NEDD4L: variants seen among roughly 807,000 people sequenced by gnomAD.
NEDD4L encodes the protein NEDD4 like E3 ubiquitin protein ligase, also known as E3 ubiquitin-protein ligase NEDD4-like.
Under a neutral mutation model 148.9 loss-of-function variants are expected in NEDD4L, and 54 were observed. The ratio of observed to expected loss-of-function variants is 0.36; its 90% CI spans 0.29 to 0.45. The LOEUF is 0.45. Ranked by LOEUF, NEDD4L falls within the 20% of genes least tolerant of loss-of-function variation. NEDD4L has a pLI of 1.00. For synonymous variants in NEDD4L, 433 were observed against 440.7 expected, an observed-to-expected ratio of 0.98 and a Z score of 0.22; for missense variants, 856 against 1,233.8, an observed-to-expected ratio of 0.69 and a Z score of 4.59.
chr18:58,387,626 A>C (rs958226552), intron 27 of NEDD4L, 128 bp downstream of exon 27: 1 of 1,085,936 alleles, frequency 9.2e-7, no homozygotes, highest in Non-Finnish European at 1.3e-6. Flanking sequence ...GAATTATATT[A>C]CATGTCTCTT....
At chr18:58,143,932 A>G (rs2033827847) in intron 1 of NEDD4L, among the ~76,000 whole-genome samples, 1 of 152,182 alleles carries the variant, frequency 6.6e-6, no homozygotes, top group South Asian at 2.1e-4. Flanking sequence ...TATCCAGAAT[A>G]TTCCTTTAGG....
chr18:58,195,288 C>G (rs544788201), intron 2 of NEDD4L: 16 of 551,692 alleles, frequency 2.9e-5, no homozygotes, highest in South Asian at 2.8e-4. Flanking sequence ...TGTTTTGTTG[C>G]AAGGGCAGCA....
In NEDD4L at chr18:58,209,881, G is replaced by A. The variant is rs111495810; in HGVS notation, c.123-35546G>A. On this transcript the variant is annotated intron_variant, in intron 2 of 30. Coordinates refer to ENST00000400345, the MANE Select transcript of NEDD4L (RefSeq NM_001144967.3). ...TAACTTAGAACTAGATAATAGGAAT[G>A]AGAGGCCGGGCATGATGGCTCACAC... Among the ~76,000 whole-genome samples the A allele has an allele frequency of 9.5e-4, 145 of 152,268 alleles. 1 individual carries two copies. The highest frequency in any genetic ancestry group is 3.2e-3 in the African/African-American group (135 of 41,566).
intron 1 of NEDD4L, among the ~76,000 whole-genome samples, chr18:58,115,791 G>A (rs1346761201): frequency 6.6e-6 from 1 of 152,156 alleles, no homozygotes; most frequent in Admixed American, 6.6e-5. Flanking sequence ...TATTAATACA[G>A]AGTTAGTTTT....
intron 1 of NEDD4L, among the ~76,000 whole-genome samples, chr18:58,147,785 T>C (rs4149589): frequency 0.17 from 25,155 of 152,194 alleles, 2,131 homozygotes; most frequent in Non-Finnish European, 0.19. Flanking sequence ...CTGTTTTCTT[T>C]TGGGGCTTTG....
chr18:58,376,455 G>A (rs570165996), intron 24 of NEDD4L, among the ~76,000 whole-genome samples: 5 of 152,250 alleles, frequency 3.3e-5, no homozygotes, highest in African/African-American at 4.8e-5. Flanking sequence ...GGGAACTCAC[G>A]TATTTATTTT....
intron 19 of NEDD4L, among the ~76,000 whole-genome samples, chr18:58,363,359 T>C (rs1224647263): frequency 6.6e-6 from 1 of 152,218 alleles, no homozygotes; most frequent in Non-Finnish European, 1.5e-5. Context: ...TATTCTCTGC[T>C]GAAATTCATA....
chr18:58,317,775 C>T (rs1319539076), intron 6 of NEDD4L, among the ~76,000 whole-genome samples: 1 of 152,148 alleles, frequency 6.6e-6, no homozygotes, highest in Non-Finnish European at 1.5e-5. Context: ...CAGCCGATTG[C>T]AGAGGGTAGA....
chr18:58,392,420 C>T (rs550015890), intron 30 of NEDD4L, among the ~76,000 whole-genome samples: 1 of 152,334 alleles, frequency 6.6e-6, no homozygotes, highest in East Asian at 1.9e-4. Context: ...AGGAAACGCC[C>T]TCCCTTACAC....
chr18:58,070,536 A>C (rs765055995), intron 1 of NEDD4L, among the ~76,000 whole-genome samples: 13 of 152,104 alleles, frequency 8.5e-5, no homozygotes, highest in Non-Finnish European at 1.6e-4. Context: ...GACTTCAAAA[A>C]GCTCCAACAT....
chr18:58,273,959 C>A (rs540969974), intron 5 of NEDD4L, among the ~76,000 whole-genome samples: 1 of 152,358 alleles, frequency 6.6e-6, no homozygotes, highest in South Asian at 2.1e-4. Context: ...TTCCCCTCCC[C>A]TGGAGTCCAG....
chr18:58,294,485 A>ACAG (rs2055252761), intron 5 of NEDD4L, among the ~76,000 whole-genome samples: 1 of 152,230 alleles, frequency 6.6e-6, no homozygotes, highest in Admixed American at 6.5e-5. Context: ...CAGCCCTGGA[A>ACAG]TGAACAGAAA....
chr18:58,304,883 A>G lies in NEDD4L; in HGVS notation c.298-11099A>G, dbSNP rs1029430519. ...CCTAAAGATCACATTCTCTGGTTCT[A>G]TTTTGAAATGGGATTTGTCTTTTTA... On this transcript the variant is annotated intron_variant, in intron 5 of 30. Transcript: ENST00000400345. 3.6e-4 allele frequency among the ~76,000 whole-genome samples: 55 copies of G among 152,206 alleles called. 1 individual carries two copies. Among genetic ancestry groups the G allele is most frequent in the Admixed American group, 6.5e-5 (1 of 15,280 alleles).
intron 5 of NEDD4L, among the ~76,000 whole-genome samples, chr18:58,270,935 CATATCTCTGCTG>C (rs1399683209): frequency 6.6e-6 from 1 of 152,044 alleles, no homozygotes; most frequent in Middle Eastern, 3.2e-3. Context: ...CTTTCTCCCT[CATATCTCTGCTG>C]ATTTTACTCT....
intron 1 of NEDD4L, among the ~76,000 whole-genome samples, chr18:58,117,713 G>C (rs2085942349): frequency 6.6e-6 from 1 of 152,134 alleles, no homozygotes. Context: ...CCCCAGCCTG[G>C]TTTCTGGGCC....
At chr18:58,141,270 A>G (rs778443330) in intron 1 of NEDD4L, among the ~76,000 whole-genome samples, 3 of 152,230 alleles carry the variant, frequency 2.0e-5, no homozygotes, top group Non-Finnish European at 4.4e-5. Flanking sequence ...ACACAAGGCA[A>G]CTATGGGGTA....
chr18:58,351,071 C>G, intron 18 of NEDD4L, 26 bp downstream of exon 18: 1 of 1,572,548 alleles, frequency 6.4e-7, no homozygotes, highest in Non-Finnish European at 8.6e-7. Context: ...TATGGACACA[C>G]AGGTGTTGTG....
chr18:58,268,846 G>T (rs1224963048), intron 5 of NEDD4L, among the ~76,000 whole-genome samples: 1 of 152,006 alleles, frequency 6.6e-6, no homozygotes, highest in Admixed American at 6.6e-5. Flanking sequence ...GTTTGAGGGA[G>T]GAGAGGAAGT....
Position 58,329,098 on chromosome 18 carries a change from G to C in NEDD4L, c.784G>C (p.Glu262Gln). Residue 262 changes from glutamate to glutamine, a missense_variant, in exon 10 of 31, where the codon GAG becomes CAG. This residue lies in a region of NEDD4L where 367 missense variants were observed against 422.7 expected (regional missense o/e 0.87). Coordinates refer to ENST00000400345, the MANE Select transcript of NEDD4L (RefSeq NM_001144967.3). ...GCACATCAGCGAAGACTTGGAGCCC[G>C]AGCCCTCGGAGGGCGGGGATGTCCC... ...RRHISEDLEP[E>Q]PSEGGDVPEP... 6.2e-7 allele frequency: 1 copy of C among 1,613,932 alleles called. No homozygotes were observed. The highest frequency in any genetic ancestry group is 8.5e-7 in the Non-Finnish European group (1 of 1,179,858).
Sources: gnomAD v4.1 joint callset for allele counts (sites outside exome capture counted in the v4.1 genomes callset) on GRCh38, gnomAD v4.1.1 for gene constraint, gnomAD v4.1.1 regional missense constraint, MANE v1.5 for transcripts, NCBI Gene and HGNC (gene_info 2026-07-23, HGNC 2026-07-21) for gene names.